Variants in PCDHA11 observed in about 807,000 individuals in gnomAD.
PCDHA11 encodes protocadherin alpha 11.
A neutral mutation model predicts 70.3 loss-of-function variants in PCDHA11; 61 were observed. The observed-to-expected ratio is 0.87, with a 90% confidence interval of 0.71 to 1.07. The LOEUF (loss-of-function observed/expected upper bound fraction) is 1.07, where lower values mean the gene tolerates loss of function less well. Among genes scored for constraint, PCDHA11 ranks in the 50% least tolerant of loss-of-function variants. The pLI, the probability that PCDHA11 is intolerant of heterozygous loss-of-function variation, is 0.00. For synonymous variants in PCDHA11, 633 were observed against 555.1 expected, an observed-to-expected ratio of 1.14 and a Z score of -1.97; for missense variants, 1,324 against 1,237.5, an observed-to-expected ratio of 1.07 and a Z score of -1.05.
intron 1 of PCDHA11, chr5:140,930,288 T>A (rs2086713135): frequency 6.6e-6 from 1 of 152,212 alleles, no homozygotes; most frequent in African/African-American, 2.4e-5. Context: ...CAAATACACT[T>A]AACAAATAAG....
intron 3 of PCDHA11, among the ~76,000 whole-genome samples, chr5:141,003,809 G>C (rs1554259330): frequency 6.6e-6 from 1 of 152,290 alleles, no homozygotes; most frequent in African/African-American, 2.4e-5. Flanking sequence ...GTAATCTGTA[G>C]TCTGGGAAGG....
intron 1 of PCDHA11, among the ~76,000 whole-genome samples, chr5:140,951,450 C>A: frequency 6.6e-6 from 1 of 151,922 alleles, no homozygotes; most frequent in East Asian, 1.9e-4. Flanking sequence ...ATGATGCCGG[C>A]CATCTGCTTG....
chr5:140,966,958 G>C (rs561982676), intron 1 of PCDHA11: 1 of 1,602,498 alleles, frequency 6.2e-7, no homozygotes, highest in South Asian at 1.1e-5. Context: ...TGGCTCGCGC[G>C]CTGGGGCTTG....
chr5:140,994,460 T>C (rs1260062613), intron 3 of PCDHA11, among the ~76,000 whole-genome samples: 1 of 152,124 alleles, frequency 6.6e-6, no homozygotes, highest in African/African-American at 2.4e-5. Context: ...CCCAGCACTT[T>C]GGGAGGCTGA....
chr5:140,988,059 T>C (rs1587274242), intron 3 of PCDHA11, among the ~76,000 whole-genome samples: 1 of 152,324 alleles, frequency 6.6e-6, no homozygotes, highest in East Asian at 1.9e-4. Flanking sequence ...ACTGTCAACA[T>C]GAATTTTTCT....
In PCDHA11 at chr5:140,871,290, C is replaced by A. The variant is rs1554165387; in HGVS notation, c.2187C>A (p.Gly729=). The change falls in exon 1 of 4, where the codon GGC becomes GGA. Residue 729 remains glycine (G), a synonymous_variant. Coordinates refer to ENST00000398640, the MANE Select transcript of PCDHA11 (RefSeq NM_018902.5). ...GGTGGTCGGCAACGCCCACTGAGGG[C>A]GCGTGCGCGCCGGGGAAGCCCACGC... ...ALWWSATPTE[G]ACAPGKPTLV... 2 of 1,613,900 alleles carry A rather than the reference C, an allele frequency of 1.2e-6. No individual in the cohort carries two copies. The highest frequency in any genetic ancestry group is 1.7e-6 in the Non-Finnish European group (2 of 1,179,924).
chr5:140,965,493 C>A (rs1214376252), intron 1 of PCDHA11, among the ~76,000 whole-genome samples: 1 of 147,046 alleles, frequency 6.8e-6, no homozygotes, highest in African/African-American at 2.5e-5. Flanking sequence ...TTAATGACAG[C>A]AGATTTTTTT....
At chr5:140,873,657 C>CTA in intron 1 of PCDHA11, among the ~76,000 whole-genome samples, 1 of 152,206 alleles carries the variant, frequency 6.6e-6, no homozygotes, top group South Asian at 2.1e-4. Context: ...ACATAACACA[C>CTA]TATTATTATT....
At chr5:140,873,489 C>G (rs2054319766) in intron 1 of PCDHA11, among the ~76,000 whole-genome samples, 1 of 152,054 alleles carries the variant, frequency 6.6e-6, no homozygotes, top group Admixed American at 6.6e-5. Context: ...CTGATTTCTG[C>G]AAAGTTGTGT....
At chr5:140,894,317 A>G (rs2064424513) in intron 1 of PCDHA11, among the ~76,000 whole-genome samples, 1 of 152,034 alleles carries the variant, frequency 6.6e-6, no homozygotes, top group Non-Finnish European at 1.5e-5. Flanking sequence ...TTCTTAAATT[A>G]TAGATTTTAG....
intron 1 of PCDHA11, among the ~76,000 whole-genome samples, chr5:140,901,760 G>C (rs909858668): frequency 6.6e-6 from 1 of 152,102 alleles, no homozygotes; most frequent in Admixed American, 6.5e-5. Context: ...TTTTGACAGG[G>C]ATTGCATTGA....
chr5:140,893,954 T>C (rs115606551), intron 1 of PCDHA11, among the ~76,000 whole-genome samples: 1,862 of 152,344 alleles, frequency 0.012, 45 homozygotes, highest in African/African-American at 0.042. Flanking sequence ...CATGACTTTA[T>C]TAGTCATTAG....
At chr5:140,937,748 T>C (rs192465220) in intron 1 of PCDHA11, among the ~76,000 whole-genome samples, 1 of 151,812 alleles carries the variant, frequency 6.6e-6, no homozygotes, top group Admixed American at 6.6e-5. Context: ...CCGTCTCTAC[T>C]AAAAATACAA....
At chr5:140,998,287 G>A (rs1209811850) in intron 3 of PCDHA11, among the ~76,000 whole-genome samples, 3 of 152,154 alleles carry the variant, frequency 2.0e-5, no homozygotes, top group Non-Finnish European at 4.4e-5. Flanking sequence ...GATTAAATCA[G>A]ATCACACATT....
Position 140,920,446 on chromosome 5 carries a change from A to G in PCDHA11, c.2391+48952A>G, listed in dbSNP as rs2079636964. 2.6e-5 allele frequency among the ~76,000 whole-genome samples: 4 copies of G among 152,114 alleles called. No homozygotes were observed. In the South Asian group the frequency reaches 8.3e-4, roughly 31 times the overall value. On this transcript the variant is annotated intron_variant, in intron 1 of 3. Coordinates refer to ENST00000398640, the MANE Select transcript of PCDHA11 (RefSeq NM_018902.5). ...CTCCCACACACCTCTTTTATACTGT[A>G]ATTGACAAATTTGTTATATTTCTGT...
At chr5:140,941,239 C>CTTTCTTTCTTTCT in intron 1 of PCDHA11, among the ~76,000 whole-genome samples, 1 of 134,600 alleles carries the variant, frequency 7.4e-6, no homozygotes, top group South Asian at 2.4e-4. Flanking sequence ...TTCTTTCTTT[C>CTTTCTTTCTTTCT]TTTCTTTCTT....
At chr5:140,967,042 G>A (rs781848948) in intron 1 of PCDHA11, 1 of 1,611,904 alleles carries the variant, frequency 6.2e-7, no homozygotes, top group Admixed American at 1.7e-5. Flanking sequence ...ACCTGGAGCT[G>A]GACCTGACGA....
chr5:140,999,687 A>G (rs1554256930), intron 3 of PCDHA11, among the ~76,000 whole-genome samples: 2 of 152,044 alleles, frequency 1.3e-5, no homozygotes, highest in Non-Finnish European at 2.9e-5. Flanking sequence ...AGAAAGAAGA[A>G]ATGTGATTTT....
At chr5:140,904,143 T>C (rs1370565805) in intron 1 of PCDHA11, among the ~76,000 whole-genome samples, 1 of 152,136 alleles carries the variant, frequency 6.6e-6, no homozygotes, top group Non-Finnish European at 1.5e-5. Context: ...CCGAGCAGTA[T>C]ACATTGCACC....
Sources: allele counts gnomAD v4.1 joint callset (sites outside exome capture counted in the v4.1 genomes callset), GRCh38; gene constraint gnomAD v4.1.1; transcripts MANE v1.5; gene names NCBI Gene and HGNC (gene_info 2026-07-23, HGNC 2026-07-21).